The following ERGIC1 variants were observed in gnomAD, a reference collection of about 807,000 sequenced individuals.
ERGIC1 encodes endoplasmic reticulum-Golgi intermediate compartment protein 1.
Under a neutral mutation model 38.3 loss-of-function variants are expected in ERGIC1, and 19 were observed. The ratio of observed to expected loss-of-function variants is 0.50; its 90% confidence interval spans 0.35 to 0.73. The LOEUF is 0.73. Among genes scored for constraint, ERGIC1 ranks in the 30% least tolerant of loss-of-function variants. ERGIC1 has a pLI of 0.01. For missense variants in ERGIC1, 294 were observed against 389.2 expected, an observed-to-expected ratio of 0.76 and a Z score of 2.06; for synonymous variants, 124 against 157.6, an observed-to-expected ratio of 0.79 and a Z score of 1.60.
intron 1 of ERGIC1, among the ~76,000 whole-genome samples, chr5:172,859,822 AT>A (rs1761651858): frequency 6.6e-6 from 1 of 152,174 alleles, no homozygotes; most frequent in Non-Finnish European, 1.5e-5. Flanking sequence ...TGGCTTCAGG[AT>A]TTGGAAGCCC....
rs1472844947 is a variant in ERGIC1 at position 172,952,533 on chromosome 5, AC to A, written c.*1718del. 8 of 146,578 alleles carry A rather than the reference AC, an allele frequency of 5.5e-5. No individual in the cohort carries two copies. Among genetic ancestry groups the A allele is most frequent in the Middle Eastern group, 3.4e-3 (1 of 294 alleles). 9.1% of individuals were successfully genotyped at this position (146,578 alleles called of 1,614,324 possible). On this transcript the variant is annotated 3_prime_UTR_variant, in exon 10 of 10. Transcript: ENST00000393784. ...CATTTTTTTGAAGAAAAAAAAAAAA[AC>A]AACTCTGAGGACATAGGGGATGTCA...
intron 3 of ERGIC1, among the ~76,000 whole-genome samples, chr5:172,900,484 A>G (rs1171426614): frequency 1.3e-5 from 2 of 152,094 alleles, no homozygotes; most frequent in Non-Finnish European, 2.9e-5. Flanking sequence ...AGGCCAGAGG[A>G]TCACTTAGCC....
chr5:172,906,434 G>C (rs752681099), intron 3 of ERGIC1, among the ~76,000 whole-genome samples: 3 of 152,142 alleles, frequency 2.0e-5, no homozygotes, highest in African/African-American at 7.2e-5. Context: ...ATGAATGCAC[G>C]TAGTAGGCCT....
rs1194729229 is a variant in ERGIC1, at chr5:172,951,934, CTG to C, written c.*1121_*1122del. The C allele has an allele frequency of 1.3e-5, 2 of 152,336 alleles. No individual in the cohort carries two copies. Among genetic ancestry groups the C allele is most frequent in the Non-Finnish European group, 2.9e-5 (2 of 68,136 alleles). The allele number at this position is 152,336 out of a possible 1,614,324, so 9.4% of individuals were successfully genotyped here. On this transcript the variant is annotated 3_prime_UTR_variant, in exon 10 of 10. Coordinates refer to ENST00000393784, the MANE Select transcript of ERGIC1 (RefSeq NM_001031711.3). ...TACAGCCATCGTGGCCCACTTGACA[CTG>C]TGCTCCTCCATCAGCTGGTCACATG...
At chr5:172,919,795 GTGGAAGGCACA>G (rs997909800) in intron 5 of ERGIC1, among the ~76,000 whole-genome samples, 20 of 152,228 alleles carry the variant, frequency 1.3e-4, no homozygotes, top group African/African-American at 4.8e-4. Flanking sequence ...AAGTGCGCCT[GTGGAAGGCACA>G]TGGAGGGCGT....
chr5:172,923,541 C>T (rs1484873730), intron 5 of ERGIC1, among the ~76,000 whole-genome samples: 1 of 152,200 alleles, frequency 6.6e-6, no homozygotes, highest in Non-Finnish European at 1.5e-5. Context: ...CTACCACAGT[C>T]TGTCCATCAG....
At chr5:172,850,923 G>C (rs545068212) in intron 1 of ERGIC1, among the ~76,000 whole-genome samples, 1 of 152,244 alleles carries the variant, frequency 6.6e-6, no homozygotes, top group South Asian at 2.1e-4. Context: ...TTTCCAGCCG[G>C]GCACGGTGGC....
intron 9 of ERGIC1, among the ~76,000 whole-genome samples, chr5:172,947,904 G>GTGTT: frequency 6.6e-6 from 1 of 151,966 alleles, no homozygotes; most frequent in East Asian, 1.9e-4. Context: ...GTGTGTGTGT[G>GTGTT]TGTGTGTGGT....
At chr5:172,841,546 T>C (rs948603674) in intron 1 of ERGIC1, among the ~76,000 whole-genome samples, 1 of 152,236 alleles carries the variant, frequency 6.6e-6, no homozygotes, top group African/African-American at 2.4e-5. Flanking sequence ...GTGGAAACCC[T>C]ATTCGAGATG....
intron 5 of ERGIC1, chr5:172,918,008 T>C (rs1367775319): frequency 1.3e-5 from 2 of 152,060 alleles, no homozygotes; most frequent in African/African-American, 4.8e-5. Context: ...TACAAAAAAA[T>C]ACAAAAGTTA....
At chr5:172,936,885 G>C (rs1763896687) in intron 9 of ERGIC1, 1 of 152,188 alleles carries the variant, frequency 6.6e-6, no homozygotes. Flanking sequence ...TGTAGTCCCA[G>C]CTACTTAGGA....
chr5:172,906,499 C>A (rs1763027771), intron 3 of ERGIC1, among the ~76,000 whole-genome samples: 1 of 152,174 alleles, frequency 6.6e-6, no homozygotes, highest in African/African-American at 2.4e-5. Flanking sequence ...CTGGGAATAT[C>A]CTTGTGGGCC....
At position 172,871,584 on chromosome 5, in the gene ERGIC1, G is replaced by T. The variant is rs138794582; in HGVS notation, c.21-17115G>T. ...AGGAGATAATCTAGGTGAAGACTGGGAGATTTGTGTCTGACCTCCGATGTG... is the reference window on the plus strand; with the variant it reads ...AGGAGATAATCTAGGTGAAGACTGGTAGATTTGTGTCTGACCTCCGATGTG... On this transcript the variant is annotated intron_variant, in intron 1 of 9. Coordinates refer to ENST00000393784, the MANE Select transcript of ERGIC1 (RefSeq NM_001031711.3). Among the ~76,000 whole-genome samples the T allele has an allele frequency of 1.9e-3, 288 of 152,326 alleles. 6 individuals carry two copies. The highest frequency in any genetic ancestry group is 0.017 in the Admixed American group (266 of 15,304).
In ERGIC1 at chr5:172,920,396, C is replaced by T. The variant is rs770970651; in HGVS notation, c.376-3609C>T. ...ACCAGCAGCCAGATGTCAGAGTTTG[C>T]GTGTTTTGAGCAGCAGCGGCAGCCT... On this transcript the variant is annotated intron_variant, in intron 5 of 9. Transcript: ENST00000393784. 107 of 717,778 alleles carry T rather than the reference C, an allele frequency of 1.5e-4. 1 individual carries two copies. The highest frequency in any genetic ancestry group is 1.5e-4 in the Non-Finnish European group (57 of 385,098). 44.5% of individuals were successfully genotyped at this position (717,778 alleles called of 1,614,324 possible).
chr5:172,848,713 G>A (rs1761336739), intron 1 of ERGIC1, among the ~76,000 whole-genome samples: 1 of 152,206 alleles, frequency 6.6e-6, no homozygotes. Flanking sequence ...ACTGAATGAA[G>A]GAAGTAGAGA....
At chr5:172,893,204 A>G (rs540477255) in intron 2 of ERGIC1, among the ~76,000 whole-genome samples, 70 of 152,234 alleles carry the variant, frequency 4.6e-4, no homozygotes, top group Admixed American at 3.5e-3. Flanking sequence ...CTGAAGTGCA[A>G]TGGTGTGATC....
At chr5:172,908,481 C>G (rs1308735850) in intron 3 of ERGIC1, among the ~76,000 whole-genome samples, 1 of 151,574 alleles carries the variant, frequency 6.6e-6, no homozygotes, top group African/African-American at 2.4e-5. Context: ...GAGGCTGAGG[C>G]AGAATAATTG....
chr5:172,949,643 G>A (rs1764190282), intron 9 of ERGIC1, among the ~76,000 whole-genome samples: 2 of 130,320 alleles, frequency 1.5e-5, no homozygotes, highest in African/African-American at 5.7e-5. Flanking sequence ...CATTGTGGTT[G>A]TCACAGCGTG....
intron 3 of ERGIC1, among the ~76,000 whole-genome samples, chr5:172,898,856 T>C (rs1004638277): frequency 4.6e-5 from 7 of 152,124 alleles, no homozygotes; most frequent in Non-Finnish European, 8.8e-5. Flanking sequence ...AAGTCAAGCA[T>C]CTTCCCCTCT....
Sources: allele counts gnomAD v4.1 joint callset (sites outside exome capture counted in the v4.1 genomes callset), GRCh38; gene constraint gnomAD v4.1.1; transcripts MANE v1.5; gene names NCBI Gene and HGNC (gene_info 2026-07-23, HGNC 2026-07-21).